Variants in PPP1R37 observed in about 807,000 individuals in gnomAD.
PPP1R37 encodes the protein leucine rich repeat containing 68.
In PPP1R37, 21 loss-of-function variants were observed where a neutral mutation model predicts 61.0. That is an observed-to-expected ratio of 0.34 (90% CI 0.24 to 0.50). The LOEUF (loss-of-function observed/expected upper bound fraction) is 0.50. PPP1R37 is among the 20% of genes least tolerant of loss of function. The pLI is 0.98. For missense variants in PPP1R37, 910 were observed against 952.7 expected (o/e 0.96, Z 0.59); for synonymous variants, 443 against 433.5 (o/e 1.02, Z -0.27).
chr19:45,131,972 C>T (rs528883893), intron 1 of PPP1R37, among the ~76,000 whole-genome samples: 1 of 152,258 alleles, frequency 6.6e-6, no homozygotes, highest in Admixed American at 6.5e-5. Flanking sequence ...TTAACACAGC[C>T]TCGGCAGGCC....
At chr19:45,098,676 G>A (rs1968024361) in intron 1 of PPP1R37, among the ~76,000 whole-genome samples, 1 of 152,186 alleles carries the variant, frequency 6.6e-6, no homozygotes, top group Non-Finnish European at 1.5e-5. Flanking sequence ...GGATCTTAGG[G>A]CATGGAAATG....
chr19:45,113,170 A>C (rs925040689), intron 1 of PPP1R37, among the ~76,000 whole-genome samples: 4 of 152,194 alleles, frequency 2.6e-5, no homozygotes, highest in Non-Finnish European at 4.4e-5. Flanking sequence ...CTGGGAGCTC[A>C]AGTGTTGGCA....
At chr19:45,099,705 C>T (rs1019264190) in intron 1 of PPP1R37, among the ~76,000 whole-genome samples, 1 of 152,268 alleles carries the variant, frequency 6.6e-6, no homozygotes, top group Non-Finnish European at 1.5e-5. Flanking sequence ...GTATGAGTCA[C>T]CTCTGTGACC....
At chr19:45,113,958 T>C (rs1968232898) in intron 1 of PPP1R37, among the ~76,000 whole-genome samples, 1 of 152,172 alleles carries the variant, frequency 6.6e-6, no homozygotes, top group Non-Finnish European at 1.5e-5. Flanking sequence ...GTGGCTCTGC[T>C]TGCTCTTTGC....
chr19:45,128,531 A>T (rs971825854), intron 1 of PPP1R37: 1 of 1,129,388 alleles, frequency 8.9e-7, no homozygotes, highest in Admixed American at 1.9e-5. Context: ...AGGTTGAGTC[A>T]GTGTGTTTGC....
intron 1 of PPP1R37, among the ~76,000 whole-genome samples, chr19:45,103,603 C>T (rs1968091466): frequency 6.6e-6 from 1 of 150,790 alleles, no homozygotes; most frequent in Non-Finnish European, 1.5e-5. Flanking sequence ...CACAGCTGAA[C>T]TCGCTTGGTT....
intron 4 of PPP1R37, among the ~76,000 whole-genome samples, chr19:45,140,905 A>T (rs1968602664): frequency 6.6e-6 from 1 of 152,138 alleles, no homozygotes. Flanking sequence ...TGGAGGGTCC[A>T]GCTCCTACAG....
chr19:45,128,598 G>T (rs779235309), intron 1 of PPP1R37: 55 of 1,263,856 alleles, frequency 4.4e-5, no homozygotes, highest in Middle Eastern at 2.5e-4. Context: ...CGAGACAAGA[G>T]ATGCAGGGGC....
intron 1 of PPP1R37, among the ~76,000 whole-genome samples, chr19:45,094,489 G>T (rs1372831180): frequency 6.6e-6 from 1 of 152,084 alleles, no homozygotes; most frequent in Non-Finnish European, 1.5e-5. Flanking sequence ...CACTTTGGGA[G>T]GCCAAGGTGG....
chr19:45,099,002 G>A (rs747882893), intron 1 of PPP1R37, among the ~76,000 whole-genome samples: 2 of 152,194 alleles, frequency 1.3e-5, no homozygotes, highest in Non-Finnish European at 2.9e-5. Flanking sequence ...AAATGCAGCA[G>A]TATGTCCTCA....
At chr19:45,126,967 C>T (rs1439181192) in intron 1 of PPP1R37, among the ~76,000 whole-genome samples, 5 of 152,304 alleles carry the variant, frequency 3.3e-5, no homozygotes, top group Admixed American at 2.6e-4. Flanking sequence ...TGTAGTAATA[C>T]GGTCCTATAT....
At chr19:45,103,499 C>T (rs980777097) in intron 1 of PPP1R37, among the ~76,000 whole-genome samples, 4 of 152,196 alleles carry the variant, frequency 2.6e-5, no homozygotes, top group Non-Finnish European at 4.4e-5. Context: ...CCTCTCTCCA[C>T]GGTCTCCGAG....
At chr19:45,145,073 G>A (rs1321898009) in intron 9 of PPP1R37, 21 bp from the exon 10 acceptor site, 1 of 1,529,236 alleles carries the variant, frequency 6.5e-7, no homozygotes, top group Non-Finnish European at 8.7e-7. Context: ...CCCGTGGCCA[G>A]CCCCTGCGGT....
At chr19:45,144,676 A>C (rs748880761) in intron 8 of PPP1R37, 178 bp from the exon 9 acceptor site, 51 of 569,370 alleles carry the variant, frequency 9.0e-5, no homozygotes, top group Admixed American at 3.5e-4. Flanking sequence ...CTTCAGGCAC[A>C]GGAGGGACTT....
chr19:45,140,267 G>T lies in PPP1R37; in HGVS notation c.332G>T (p.Cys111Phe). ...ACAGACCTCGGGCACCGCCTCGACTGTCTGGACCTGAAAGGTGTGTGTCTG... is the reference window on the plus strand; with the variant it reads ...ACAGACCTCGGGCACCGCCTCGACTTTCTGGACCTGAAAGGTGTGTGTCTG... ...EFTDLGHRLD[C>F]LDLKGEKLDY... Residue 111 changes from cysteine to phenylalanine, a missense_variant, in exon 3 of 13, where the codon TGT (cysteine) becomes TTT (phenylalanine). Around this residue, in one of 3 missense-constraint regions of PPP1R37, gnomAD observed 280 missense variants for 382.2 expected, o/e 0.73. Coordinates refer to ENST00000221462, the MANE Select transcript of PPP1R37 (RefSeq NM_019121.2). The T allele has an allele frequency of 6.5e-7, 1 of 1,536,146 alleles. No individual in the cohort carries two copies. Among genetic ancestry groups the T allele is most frequent in the Non-Finnish European group, 8.7e-7 (1 of 1,146,874 alleles).
In PPP1R37 at chr19:45,144,756, C is replaced by T. The variant is rs531276634; in HGVS notation, c.988-98C>T. The T allele has an allele frequency of 7.5e-6, 8 of 1,068,628 alleles. No homozygotes were observed. In the South Asian group the frequency reaches 1.1e-4, roughly 15 times the overall value. The allele number at this position is 1,068,628 out of a possible 1,614,324, so 66.2% of individuals were successfully genotyped here. A position where few individuals can be genotyped will look rare whatever the true frequency, so the allele number is the denominator to read the frequency against. ...AGGCGCGCGAAAGAAAAGGAGCGCC[C>T]GGGCCTGGCTCTCTTCCCGGCTTCT... On this transcript the variant is annotated intron_variant, in intron 8 of 12. Coordinates refer to ENST00000221462, the MANE Select transcript of PPP1R37 (RefSeq NM_019121.2).
chr19:45,097,783 C>T (rs1968012082), intron 1 of PPP1R37, among the ~76,000 whole-genome samples: 1 of 152,048 alleles, frequency 6.6e-6, no homozygotes, highest in Non-Finnish European at 1.5e-5. Flanking sequence ...AATGGGAGAG[C>T]AGAGGCCGAA....
intron 1 of PPP1R37, among the ~76,000 whole-genome samples, chr19:45,127,457 G>A (rs1968421320): frequency 6.6e-6 from 1 of 152,038 alleles, no homozygotes; most frequent in African/African-American, 2.4e-5. Flanking sequence ...CACAGCATGT[G>A]GCTGTGCTGA....
chr19:45,122,604 T>G (rs538166522), intron 1 of PPP1R37, among the ~76,000 whole-genome samples: 1 of 151,950 alleles, frequency 6.6e-6, no homozygotes, highest in African/African-American at 2.4e-5. Context: ...TTTTGGAGGG[T>G]GGCCAGGGAA....
Sources: allele counts gnomAD v4.1 joint callset (sites outside exome capture counted in the v4.1 genomes callset), GRCh38; gene constraint gnomAD v4.1.1; regional missense constraint gnomAD v4.1.1; transcripts MANE v1.5; gene names NCBI Gene and HGNC (gene_info 2026-07-23, HGNC 2026-07-21).